The following LY75 variants were observed in gnomAD, a reference collection of about 807,000 sequenced individuals.
The protein encoded by LY75 is lymphocyte antigen 75.
In LY75, 185 loss-of-function variants were observed where a neutral mutation model predicts 231.7. That is an observed-to-expected ratio of 0.80 (90% CI 0.71 to 0.90). LY75 has a LOEUF of 0.90. Among genes scored for constraint, LY75 ranks in the 40% least tolerant of loss-of-function variants. LY75 has a pLI of 0.00. For synonymous variants in LY75, 668 were observed against 689.0 expected, an observed-to-expected ratio of 0.97 and a Z score of 0.48; for missense variants, 1,947 against 2,050.2, an observed-to-expected ratio of 0.95 and a Z score of 0.97.
At chr2:159,807,605 C>T (rs947643246) in intron 33 of LY75, 38 of 985,038 alleles carry the variant, frequency 3.9e-5, no homozygotes, top group Non-Finnish European at 4.2e-5. Flanking sequence ...ACCACCAGGA[C>T]TCCATTTTTG....
chr2:159,817,813 C>T (rs1337218941), intron 29 of LY75, among the ~76,000 whole-genome samples: 1 of 152,034 alleles, frequency 6.6e-6, no homozygotes, highest in Non-Finnish European at 1.5e-5. Flanking sequence ...TTTGGGAGGC[C>T]AAGGCGGGGG....
At chr2:159,842,106 A>G in intron 24 of LY75, 139 bp downstream of exon 24, 1 of 1,029,578 alleles carries the variant, frequency 9.7e-7, no homozygotes, top group Non-Finnish European at 1.3e-6. Flanking sequence ...TATTGGACCC[A>G]GGTGGTAAGC....
At chr2:159,882,487 A>G (rs748582098) in intron 6 of LY75, among the ~76,000 whole-genome samples, 172 bp from the exon 7 acceptor site, 7 of 152,356 alleles carry the variant, frequency 4.6e-5, no homozygotes, top group Non-Finnish European at 1.0e-4. Flanking sequence ...TGAGGTATAT[A>G]TAGCATCATA....
intron 28 of LY75, among the ~76,000 whole-genome samples, chr2:159,823,016 T>C (rs1179628500): frequency 6.6e-6 from 1 of 152,040 alleles, no homozygotes; most frequent in Non-Finnish European, 1.5e-5. Context: ...GGCTGAAAAT[T>C]CCAAAAACCA....
rs1471645804 is a variant in LY75, at chr2:159,852,258, G to A, written c.2826C>T (p.Ser942=). Residue 942 remains serine, a synonymous_variant, in exon 21 of 35, where the codon AGC becomes AGT. Transcript: ENST00000263636. ...KYNVSSLEKY[S]PDSAAKVQCS... The stretch of plus-strand genomic sequence containing the variant: ...ATTGCACTTTAGCTGCAGAATCTGG[G>A]CTGTATTTCTCTAACGAAGAAACAT... 2.5e-6 allele frequency: 4 copies of A among 1,613,884 alleles called. No individual in the cohort carries two copies. The Admixed American group carries it at 5.0e-5, about 20-fold the overall frequency.
intron 14 of LY75, 72 bp from the exon 15 acceptor site, chr2:159,860,961 C>A: frequency 6.4e-7 from 1 of 1,557,270 alleles, no homozygotes; most frequent in African/African-American, 1.4e-5. Context: ...GTAATTTAGG[C>A]AGCCTTAATC....
chr2:159,810,117 T>TCC (rs1241599126), intron 32 of LY75, among the ~76,000 whole-genome samples: 1 of 152,134 alleles, frequency 6.6e-6, no homozygotes, highest in African/African-American at 2.4e-5. Flanking sequence ...CACTGCAACC[T>TCC]CCGCCTCCTG....
intron 1 of LY75, among the ~76,000 whole-genome samples, chr2:159,899,843 G>C (rs187117323): frequency 1.2e-4 from 19 of 152,332 alleles, no homozygotes; most frequent in Non-Finnish European, 2.6e-4. Context: ...TGGGTTCTGA[G>C]GGTAGAACCT....
intron 26 of LY75, among the ~76,000 whole-genome samples, chr2:159,834,981 T>A (rs1296674776): frequency 6.6e-6 from 1 of 152,212 alleles, no homozygotes; most frequent in African/African-American, 2.4e-5. Flanking sequence ...CATGAGATGT[T>A]CTCTAGGGAT....
chr2:159,855,034 G>C, intron 16 of LY75, 95 bp from the exon 17 acceptor site: 1 of 1,508,780 alleles, frequency 6.6e-7, no homozygotes, highest in Non-Finnish European at 9.1e-7. Flanking sequence ...AGGACTTGCA[G>C]TATTGTTGAG....
At chr2:159,820,001 T>C in intron 28 of LY75, 81 bp from the exon 29 acceptor site, 1 of 1,371,474 alleles carries the variant, frequency 7.3e-7, no homozygotes, top group Admixed American at 2.9e-5. Context: ...ATTTCAAACT[T>C]GACTAATTTT....
intron 23 of LY75, among the ~76,000 whole-genome samples, chr2:159,848,093 T>TATATACACACACACAC: frequency 3.5e-5 from 1 of 28,556 alleles, no homozygotes; most frequent in African/African-American, 1.4e-4. Context: ...TATATATATA[T>TATATACACACACACAC]ACACACACAC....
Position 159,894,056 on chromosome 2 carries a change from A to G in LY75, c.495T>C (p.Tyr165=), listed in dbSNP as rs771923530. ...HEIYTRDGNS[Y]GRPCEFPFLI... is the part of the protein sequence containing the mutation. ...AGAATGGAAATTCACAAGGTCTCCC[A>G]TAAGAGTTCCCATCTCTGGTATAGA... The change falls in exon 3 of 35, where the codon TAT becomes TAC. Residue 165 remains tyrosine (Y), a synonymous_variant. Coordinates refer to ENST00000263636, the MANE Select transcript of LY75 (RefSeq NM_002349.4). 19 of 1,613,040 alleles carry G rather than the reference A, an allele frequency of 1.2e-5. No individual in the cohort carries two copies. The highest frequency in any genetic ancestry group is 8.0e-5 in the African/African-American group (6 of 74,882).
At position 159,848,095 on chromosome 2, in the gene LY75, C is replaced by T. The variant is rs12622405; in HGVS notation, c.3150+1885G>A. On this transcript the variant is annotated intron_variant, in intron 23 of 34. Coordinates refer to ENST00000263636, the MANE Select transcript of LY75 (RefSeq NM_002349.4). ...ATATATATATATATATATATATATA[C>T]ACACACACATACACACACCATATAT... 2.8e-3 allele frequency among the ~76,000 whole-genome samples: 64 copies of T among 22,686 alleles called. 1 individual carries two copies. Among genetic ancestry groups the T allele is most frequent in the Middle Eastern group, 0.016 (1 of 64 alleles). 14.9% of individuals were successfully genotyped at this position (22,686 alleles called of 152,430 possible).
At chr2:159,886,398 G>C (rs367776227) in intron 5 of LY75, 22 bp downstream of exon 5, 15 of 1,598,624 alleles carry the variant, frequency 9.4e-6, no homozygotes, top group Middle Eastern at 1.7e-4. Flanking sequence ...CTGTGCAGAG[G>C]GGGTAGGGAA....
At chr2:159,854,306 A>G (rs1684483826) in intron 18 of LY75, 54 bp downstream of exon 18, 24 of 1,227,582 alleles carry the variant, frequency 2.0e-5, no homozygotes, top group Non-Finnish European at 2.4e-5. Context: ...ATATTTTTAA[A>G]TGGAATAAAT....
In LY75 at chr2:159,899,076, G is replaced by C. The variant is rs776962124; in HGVS notation, c.95-17C>G. ...GGTCATTAGCTGAGTCAAATGGACA[G>C]ACAGATTGTAGATTATGTGGTTGAA... On this transcript the variant is annotated splice_polypyrimidine_tract_variant and intron_variant, in intron 1 of 34. Coordinates refer to ENST00000263636, the MANE Select transcript of LY75 (RefSeq NM_002349.4). The C allele has an allele frequency of 6.2e-7, 1 of 1,604,504 alleles. No homozygotes were observed. The highest frequency in any genetic ancestry group is 8.5e-7 in the Non-Finnish European group (1 of 1,175,612).
At chr2:159,895,036 T>G (rs1685871904) in intron 2 of LY75, among the ~76,000 whole-genome samples, 1 of 152,206 alleles carries the variant, frequency 6.6e-6, no homozygotes, top group Admixed American at 6.5e-5. Flanking sequence ...AGTAATCAGA[T>G]CTTATCACCG....
At chr2:159,854,664 C>A in intron 17 of LY75, 129 bp from the exon 18 acceptor site, 1 of 1,239,250 alleles carries the variant, frequency 8.1e-7, no homozygotes. Flanking sequence ...TGGGGCAGTA[C>A]TGACTACAAG....
Sources: gnomAD v4.1 joint callset for allele counts (sites outside exome capture counted in the v4.1 genomes callset) on GRCh38, gnomAD v4.1.1 for gene constraint, MANE v1.5 for transcripts, NCBI Gene and HGNC (gene_info 2026-07-23, HGNC 2026-07-21) for gene names.